TNIK: variants seen among roughly 807,000 people sequenced by gnomAD.
The protein encoded by TNIK is TRAF2 and NCK interacting kinase.
Under a neutral mutation model 191.3 loss-of-function variants are expected in TNIK, and 49 were observed. That is an observed-to-expected ratio of 0.26 (90% CI 0.20 to 0.32). The LOEUF (loss-of-function observed/expected upper bound fraction) is 0.32. TNIK is among the 10% of genes least tolerant of loss of function. The pLI, the probability that TNIK is intolerant of heterozygous loss-of-function variation, is 1.00. For missense variants in TNIK, 1,155 were observed against 1,702.3 expected, an observed-to-expected ratio of 0.68 and a Z score of 5.66; for synonymous variants, 594 against 600.9, an observed-to-expected ratio of 0.99 and a Z score of 0.17.
At chr3:171,386,137 G>A (rs1718698410) in intron 1 of TNIK, among the ~76,000 whole-genome samples, 1 of 152,118 alleles carries the variant, frequency 6.6e-6, no homozygotes, top group African/African-American at 2.4e-5. Context: ...ATAAATGCTG[G>A]TTAAGTAAAT....
At chr3:171,451,204 G>A (rs1728129910) in intron 1 of TNIK, among the ~76,000 whole-genome samples, 1 of 152,214 alleles carries the variant, frequency 6.6e-6, no homozygotes, top group South Asian at 2.1e-4. Context: ...AGACATAGTG[G>A]CTTCTGCTCT....
intron 2 of TNIK, among the ~76,000 whole-genome samples, chr3:171,316,058 C>T (rs1156493414): frequency 2.0e-5 from 3 of 152,056 alleles, no homozygotes; most frequent in East Asian, 3.9e-4. Context: ...AGACAGAGAC[C>T]CATAAATCTG....
At chr3:171,080,422 GTTTTA>G (rs1720519756) in intron 27 of TNIK, among the ~76,000 whole-genome samples, 2 of 149,926 alleles carry the variant, frequency 1.3e-5, no homozygotes. Context: ...CTTTAAAAAT[GTTTTA>G]TTTATTTATT....
rs547503407 is a variant in TNIK at position 171,289,362 on chromosome 3, A to G, written c.124-61141T>C. 2.0e-5 allele frequency among the ~76,000 whole-genome samples: 3 copies of G among 152,334 alleles called. No homozygotes were observed. The South Asian group carries it at 6.2e-4, about 32-fold the overall frequency. On this transcript the variant is annotated intron_variant, in intron 2 of 32. Coordinates refer to ENST00000436636, the MANE Select transcript of TNIK (RefSeq NM_015028.4). ...TAAGTTAAATTGGAGTTTGGTTTTA[A>G]TAAGGTCTTAAAAACTCTTCATCTT... is the stretch of plus-strand genomic sequence containing the variant.
At chr3:171,261,593 T>C (rs930063415) in intron 2 of TNIK, among the ~76,000 whole-genome samples, 4 of 152,236 alleles carry the variant, frequency 2.6e-5, no homozygotes, top group Admixed American at 1.3e-4. Flanking sequence ...CAAACAGCCA[T>C]GTCATAATTC....
At chr3:171,240,378 G>A (rs890177967) in intron 2 of TNIK, among the ~76,000 whole-genome samples, 1 of 152,168 alleles carries the variant, frequency 6.6e-6, no homozygotes, top group Non-Finnish European at 1.5e-5. Flanking sequence ...TAATTAGTGG[G>A]TCTAGAGTTA....
chr3:171,348,080 T>C (rs1577576067), intron 2 of TNIK, among the ~76,000 whole-genome samples: 2 of 152,330 alleles, frequency 1.3e-5, no homozygotes, highest in East Asian at 1.9e-4. Flanking sequence ...TAGTTTGTTT[T>C]TGACAACAAG....
At chr3:171,132,785 C>A (rs1729485909) in intron 15 of TNIK, among the ~76,000 whole-genome samples, 1 of 152,086 alleles carries the variant, frequency 6.6e-6, no homozygotes, top group Non-Finnish European at 1.5e-5. Flanking sequence ...TGGGTGCATT[C>A]TAATAATATT....
chr3:171,358,859 C>T (rs956596916), intron 2 of TNIK, among the ~76,000 whole-genome samples: 1 of 152,098 alleles, frequency 6.6e-6, no homozygotes. Context: ...TCCAGTGTTG[C>T]AGGACATGAC....
At chr3:171,183,780 G>A (rs1736993149) in intron 7 of TNIK, among the ~76,000 whole-genome samples, 1 of 151,978 alleles carries the variant, frequency 6.6e-6, no homozygotes, top group Admixed American at 6.5e-5. Flanking sequence ...AATTCACTGG[G>A]CGTGGTGGCG....
intron 2 of TNIK, among the ~76,000 whole-genome samples, chr3:171,315,043 C>G (rs192303688): frequency 2.6e-5 from 4 of 152,156 alleles, no homozygotes; most frequent in Admixed American, 1.3e-4. Flanking sequence ...ACAAACCCCC[C>G]CTCCTGCTTT....
At chr3:171,427,644 C>T (rs1724813466) in intron 1 of TNIK, among the ~76,000 whole-genome samples, 1 of 152,188 alleles carries the variant, frequency 6.6e-6, no homozygotes, top group Admixed American at 6.5e-5. Flanking sequence ...TGCCTGCTTT[C>T]TCTCGCATTA....
At chr3:171,194,843 C>T (rs1738499042) in intron 4 of TNIK, among the ~76,000 whole-genome samples, 1 of 151,944 alleles carries the variant, frequency 6.6e-6, no homozygotes, top group African/African-American at 2.4e-5. Flanking sequence ...ATTTTTCAAC[C>T]TGTAAGTTAT....
At position 171,326,254 on chromosome 3, in the gene TNIK, G is replaced by C. The variant is rs148462146; in HGVS notation, c.123+43366C>G. 5.9e-3 allele frequency among the ~76,000 whole-genome samples: 891 copies of C among 152,226 alleles called. 7 individuals are homozygous for C. Among genetic ancestry groups the C allele is most frequent in the Admixed American group, 0.026 (392 of 15,290 alleles). On this transcript the variant is annotated intron_variant, in intron 2 of 32. Transcript: ENST00000436636. ...TTAAATGTTTTTAAAATTTGTTAGT[G>C]TATTTCTTTGGCTTTATTATGTAGT...
intron 15 of TNIK, among the ~76,000 whole-genome samples, chr3:171,131,925 T>C (rs1190729076): frequency 1.3e-5 from 2 of 152,224 alleles, no homozygotes; most frequent in African/African-American, 2.4e-5. Flanking sequence ...TCACAACTTA[T>C]GTCTGCTGAC....
chr3:171,372,623 T>C (rs1716663794), intron 1 of TNIK, among the ~76,000 whole-genome samples: 1 of 152,198 alleles, frequency 6.6e-6, no homozygotes, highest in Non-Finnish European at 1.5e-5. Context: ...CATTGACTAG[T>C]CACTGCATGT....
intron 2 of TNIK, among the ~76,000 whole-genome samples, chr3:171,267,736 AGGC>A: frequency 6.6e-6 from 1 of 152,244 alleles, no homozygotes; most frequent in Admixed American, 6.5e-5. Flanking sequence ...GGAGAAATAA[AGGC>A]AACTTTTTAC....
At chr3:171,412,950 C>T (rs746105352) in intron 1 of TNIK, among the ~76,000 whole-genome samples, 4 of 152,208 alleles carry the variant, frequency 2.6e-5, no homozygotes, top group African/African-American at 4.8e-5. Flanking sequence ...AACCTGGAAG[C>T]ATCAGGAACA....
chr3:171,271,408 T>C (rs1190671194), intron 2 of TNIK, among the ~76,000 whole-genome samples: 1 of 152,184 alleles, frequency 6.6e-6, no homozygotes, highest in East Asian at 1.9e-4. Flanking sequence ...TCAAACATCA[T>C]TTCCATGACC....
Sources: allele counts gnomAD v4.1 joint callset (sites outside exome capture counted in the v4.1 genomes callset), GRCh38; gene constraint gnomAD v4.1.1; transcripts MANE v1.5; gene names NCBI Gene and HGNC (gene_info 2026-07-23, HGNC 2026-07-21).